Variants in TBCD observed in about 807,000 individuals in gnomAD.
TBCD encodes tubulin folding cofactor D, also known as tubulin-specific chaperone D.
A neutral mutation model predicts 169.3 loss-of-function variants in TBCD; 105 were observed. The ratio of observed to expected loss-of-function variants is 0.62; its 90% CI spans 0.53 to 0.73. The LOEUF is 0.73. TBCD is among the 30% of genes least tolerant of loss of function. The pLI, the probability that TBCD is intolerant of heterozygous loss-of-function variation, is 0.00. For missense variants in TBCD, 1,444 were observed against 1,600.1 expected (o/e 0.90, Z 1.66); for synonymous variants, 700 against 643.9 (o/e 1.09, Z -1.32).
intron 36 of TBCD, chr17:82,939,152 G>C: frequency 1.7e-6 from 1 of 597,678 alleles, no homozygotes; most frequent in East Asian, 2.8e-5. Flanking sequence ...GGATCCTGCA[G>C]CTAGCTGTGT....
In TBCD at chr17:82,831,609, T is replaced by A. The variant is rs2053517808; in HGVS notation, c.1318+16675T>A. The A allele has an allele frequency of 6.2e-7, 1 of 1,613,950 alleles. No individual in the cohort carries two copies. Among genetic ancestry groups the A allele is most frequent in the African/African-American group, 1.3e-5 (1 of 74,876 alleles). ...TCGGCCCCGGGTGAGGCAGGAAGTG[T>A]CTCGGGTCTTGGGTTCCGTAGACTG... On this transcript the variant is annotated intron_variant, in intron 13 of 38. Transcript: ENST00000355528. The surrounding 1 kb of genome is among the most constrained non-coding windows in gnomAD (Gnocchi z 4.6).
At position 82,945,730 on chromosome 17, in the gene TBCD, C is replaced by T. The variant is rs1005907501; in HGVS notation, c.*3267C>T. On this transcript the variant is annotated 3_prime_UTR_variant, in exon 39 of 39. Coordinates refer to ENST00000355528, the MANE Select transcript of TBCD (RefSeq NM_005993.5). Reference sequence around the variant, plus strand: ...CATCCCAGATGGAAGCAGCATCCCCCTACCCAGCTGTGACAAAAAGAAAAA... The same window carrying T: ...CATCCCAGATGGAAGCAGCATCCCCTTACCCAGCTGTGACAAAAAGAAAAA... 3 of 152,154 alleles carry T rather than the reference C, an allele frequency of 2.0e-5. No individual in the cohort carries two copies. The highest frequency in any genetic ancestry group is 7.2e-5 in the African/African-American group (3 of 41,430). 9.4% of individuals were successfully genotyped at this position (152,154 alleles called of 1,614,324 possible).
chr17:82,911,630 C>A, intron 22 of TBCD, 128 bp from the exon 23 acceptor site: 1 of 907,456 alleles, frequency 1.1e-6, no homozygotes, highest in Non-Finnish European at 1.8e-6. Flanking sequence ...TGCTCATGCT[C>A]AGTAACACAT....
At chr17:82,869,446 G>A (rs1438278209) in intron 13 of TBCD, among the ~76,000 whole-genome samples, 1 of 152,154 alleles carries the variant, frequency 6.6e-6, no homozygotes, top group Non-Finnish European at 1.5e-5. Context: ...CTTGAGCCTG[G>A]GAGGTGGAAG....
At chr17:82,897,466 C>T (rs972945425) in intron 17 of TBCD, among the ~76,000 whole-genome samples, 2 of 146,970 alleles carry the variant, frequency 1.4e-5, no homozygotes, top group Admixed American at 7.0e-5. Flanking sequence ...TACAGTGAGC[C>T]GAAATCGCGC....
chr17:82,905,894 T>C (rs1568006150), intron 19 of TBCD, 42 bp from the exon 20 acceptor site: 2 of 1,524,012 alleles, frequency 1.3e-6, no homozygotes, highest in East Asian at 2.3e-5. Flanking sequence ...GCCGTCCACA[T>C]GTACACACCC....
At chr17:82,814,706 G>A in intron 12 of TBCD, 134 bp from the exon 13 acceptor site, 1 of 805,442 alleles carries the variant, frequency 1.2e-6, no homozygotes, top group Non-Finnish European at 2.0e-6. Context: ...CTTAGGAATG[G>A]GTTTTAGTGA....
At chr17:82,938,986 T>C (rs1352772185) in intron 36 of TBCD, 1 of 337,664 alleles carries the variant, frequency 3.0e-6, no homozygotes, top group Non-Finnish European at 5.6e-6. Flanking sequence ...AGATTGCTTC[T>C]CTGGTGAGGG....
rs1277603084 is a variant in TBCD at position 82,905,974 on chromosome 17, C to A, written c.1843C>A (p.Leu615Ile). ...GCTGTCCATGACACTGAGTCCAGAT[C>A]TTCACATGAGGCATGGGTCGATTCT... The part of the protein sequence containing the change: ...RLLSMTLSPD[L>I]HMRHGSILAC... Residue 615 changes from leucine to isoleucine, a missense_variant, in exon 20 of 39, where the codon CTT (leucine) becomes ATT (isoleucine). Coordinates refer to ENST00000355528, the MANE Select transcript of TBCD (RefSeq NM_005993.5). 1.2e-6 allele frequency: 2 copies of A among 1,613,294 alleles called. No individual in the cohort carries two copies. Among genetic ancestry groups the A allele is most frequent in the Non-Finnish European group, 1.7e-6 (2 of 1,179,628 alleles).
intron 7 of TBCD, 42 bp downstream of exon 7, chr17:82,781,763 G>T: frequency 6.2e-7 from 1 of 1,601,000 alleles, no homozygotes. Flanking sequence ...GCAGGGAAAT[G>T]GCGCCTTACA....
chr17:82,887,156 TGTGTGTGTGTGTGCGCGCGCGCGCAC>T (rs2058778013), intron 15 of TBCD, among the ~76,000 whole-genome samples: 1 of 108,706 alleles, frequency 9.2e-6, no homozygotes, highest in African/African-American at 4.5e-5. Flanking sequence ...TGTGTGTGTG[TGTGTGTGTGTGTGCGCGCGCGCGCAC>T]GTGCGCTCAC....
Position 82,925,038 on chromosome 17 carries a change from T to C in TBCD, c.2360T>C (p.Leu787Pro), listed in dbSNP as rs2061635234. The C allele has an allele frequency of 6.4e-7, 1 of 1,559,694 alleles. No individual in the cohort carries two copies. The highest frequency in any genetic ancestry group is 1.2e-5 in the South Asian group (1 of 84,704). ...LALGALPGFL[L>P]KGRLQQVLTG... The stretch of plus-strand genomic sequence containing the variant: ...TTGGGCGCCCTTCCAGGCTTCCTTC[T>C]GAAAGGCCGGCTCCAGCAGGTGAGG... The change falls in exon 27 of 39, where the codon CTG becomes CCG. Residue 787 changes from leucine to proline, a missense_variant. Physicochemically the swap from Leu to Pro is moderately conservative, Grantham distance 98. Transcript: ENST00000355528.
intron 13 of TBCD, among the ~76,000 whole-genome samples, chr17:82,820,244 C>A (rs541568958): frequency 6.6e-6 from 1 of 152,306 alleles, no homozygotes; most frequent in South Asian, 2.1e-4. Context: ...TCCCAAAGTG[C>A]TGGGATTACA....
At chr17:82,793,414 T>C (rs1381965582) in intron 7 of TBCD, among the ~76,000 whole-genome samples, 1 of 152,226 alleles carries the variant, frequency 6.6e-6, no homozygotes, top group Non-Finnish European at 1.5e-5. Context: ...AGTGGGGCTC[T>C]TTAAGATGTC....
intron 14 of TBCD, among the ~76,000 whole-genome samples, chr17:82,873,795 G>A (rs956582465): frequency 6.6e-6 from 1 of 152,200 alleles, no homozygotes; most frequent in African/African-American, 2.4e-5. Context: ...GGTTGGCGCC[G>A]CTCGGTGGCC....
chr17:82,756,258 G>C, intron 2 of TBCD, 43 bp downstream of exon 2: 1 of 1,568,886 alleles, frequency 6.4e-7, no homozygotes, highest in East Asian at 2.3e-5. Flanking sequence ...AGTTACAGAT[G>C]ACCACGGAGG....
chr17:82,833,118 C>G lies in TBCD; in HGVS notation c.1318+18184C>G, dbSNP rs1226604893. 6.6e-6 allele frequency among the ~76,000 whole-genome samples: 1 copy of G among 152,090 alleles called. No homozygotes were observed. Among genetic ancestry groups the G allele is most frequent in the African/African-American group, 2.4e-5 (1 of 41,410 alleles). On this transcript the variant is annotated intron_variant, in intron 13 of 38. Transcript: ENST00000355528. This position sits in a 1 kb window ranked among gnomAD's most constrained non-coding sequence, Gnocchi z 4.7. ...GTGGGTGTGTGATCGGCCACACTCTCACGTGAAATACGAAGGGGTTTGTGG... is the reference window on the plus strand; with the variant it reads ...GTGGGTGTGTGATCGGCCACACTCTGACGTGAAATACGAAGGGGTTTGTGG...
In TBCD at chr17:82,792,421, A is replaced by G. The variant is rs577753517; in HGVS notation, c.772-5336A>G. 3.3e-5 allele frequency among the ~76,000 whole-genome samples: 5 copies of G among 152,270 alleles called. No homozygotes were observed. The East Asian group carries it at 7.7e-4, about 24-fold the overall frequency. ...TATAAAATCCTTTTATGGGCTCACT[A>G]TCAATATGTGGTTCCTCATTGACCA... On this transcript the variant is annotated intron_variant, in intron 7 of 38. Transcript: ENST00000355528.
chr17:82,784,597 C>T (rs756763286), intron 7 of TBCD, among the ~76,000 whole-genome samples: 2 of 152,134 alleles, frequency 1.3e-5, no homozygotes, highest in Admixed American at 1.3e-4. Context: ...CAATTGGATT[C>T]TTCATTTTTT....
Sources: allele counts gnomAD v4.1 joint callset (sites outside exome capture counted in the v4.1 genomes callset), GRCh38; gene constraint gnomAD v4.1.1; non-coding constraint Gnocchi (gnomAD v3.1); transcripts MANE v1.5; gene names NCBI Gene and HGNC (gene_info 2026-07-23, HGNC 2026-07-21).